PES1: variants seen among roughly 807,000 people sequenced by gnomAD.
PES1 encodes pescadillo ribosomal biogenesis factor 1, also known as pescadillo homolog.
A neutral mutation model predicts 77.1 loss-of-function variants in PES1; 31 were observed. The observed-to-expected ratio is 0.40, with a 90% confidence interval of 0.30 to 0.54. The LOEUF (loss-of-function observed/expected upper bound fraction) is 0.54, where lower values mean the gene tolerates loss of function less well. Among genes scored for constraint, PES1 ranks in the 20% least tolerant of loss-of-function variants. The pLI is 0.45. For missense variants in PES1, 658 were observed against 771.7 expected, an observed-to-expected ratio of 0.85 and a Z score of 1.75; for synonymous variants, 282 against 303.0, an observed-to-expected ratio of 0.93 and a Z score of 0.72.
intron 6 of PES1, 51 bp downstream of exon 6, chr22:30,584,314 A>T: frequency 1.5e-6 from 2 of 1,357,870 alleles, no homozygotes; most frequent in Non-Finnish European, 2.1e-6. Context: ...CCACATCCAT[A>T]TCTGTCTAGG....
intron 14 of PES1, among the ~76,000 whole-genome samples, chr22:30,578,548 T>C (rs2086934770): frequency 1.3e-5 from 2 of 152,214 alleles, no homozygotes; most frequent in African/African-American, 4.8e-5. Flanking sequence ...CCCCAGTCCT[T>C]GAGTCTGCCG....
rs764322944 is a variant in PES1, at chr22:30,589,283, A to T, written c.25-13T>A. 6.2e-7 allele frequency: 1 copy of T among 1,607,496 alleles called. No individual in the cohort carries two copies. Among genetic ancestry groups the T allele is most frequent in the South Asian group, 1.1e-5 (1 of 90,506 alleles). On this transcript the variant is annotated splice_polypyrimidine_tract_variant and intron_variant, in intron 1 of 14. Transcript: ENST00000354694. Reference sequence around the variant, plus strand: ...AGCCTCGTTCATACTGGGAGAGGAAAAAAACAATTCTCCATTAGCAATGAT... The same window carrying T: ...AGCCTCGTTCATACTGGGAGAGGAATAAAACAATTCTCCATTAGCAATGAT...
chr22:30,589,759 C>T (rs543478821), intron 1 of PES1, among the ~76,000 whole-genome samples: 1 of 151,074 alleles, frequency 6.6e-6, no homozygotes, highest in South Asian at 2.1e-4. Context: ...TGCCTAATAG[C>T]TAAGCCAGTG....
In PES1 at chr22:30,579,884, A is replaced by G. The variant is rs2086956574; in HGVS notation, c.1221T>C (p.Leu407=). 6 of 1,614,086 alleles carry G rather than the reference A, an allele frequency of 3.7e-6. No individual in the cohort carries two copies. Among genetic ancestry groups the G allele is most frequent in the Non-Finnish European group, 5.1e-6 (6 of 1,180,016 alleles). The change falls in exon 12 of 15, where the codon CTT becomes CTC. Residue 407 remains leucine (L), a synonymous_variant. Transcript: ENST00000354694. ...WVFDSVNARL[L]LPVAEYFSGV... Reference sequence around the variant, plus strand: ...CAGAGAAGTACTCTGCCACGGGGAGAAGGAGCCTGGCGTTCACTGAGTCAA... The same window carrying G: ...CAGAGAAGTACTCTGCCACGGGGAGGAGGAGCCTGGCGTTCACTGAGTCAA...
intron 1 of PES1, among the ~76,000 whole-genome samples, chr22:30,591,296 C>A (rs1287216257): frequency 6.6e-6 from 1 of 152,198 alleles, no homozygotes; most frequent in Non-Finnish European, 1.5e-5. Flanking sequence ...CAACTCCTTA[C>A]ACACAGCAAG....
intron 8 of PES1, 40 bp downstream of exon 8, chr22:30,581,294 C>A (rs1289678553): frequency 6.2e-7 from 1 of 1,600,140 alleles, no homozygotes; most frequent in Admixed American, 1.7e-5. Flanking sequence ...AGAGACCACT[C>A]CCTTGGGAGA....
intron 6 of PES1, among the ~76,000 whole-genome samples, chr22:30,582,907 T>A (rs765414860): frequency 1.3e-5 from 2 of 152,110 alleles, no homozygotes; most frequent in African/African-American, 2.4e-5. Flanking sequence ...CCCTGGCTGC[T>A]CACAGGAGGG....
intron 4 of PES1, chr22:30,585,190 G>A (rs777197213): frequency 2.7e-4 from 124 of 452,706 alleles, no homozygotes; most frequent in East Asian, 1.7e-3. Flanking sequence ...CCTGGCCACC[G>A]GTCGCCAGCG....
chr22:30,578,705 A>G (rs1170232561), intron 14 of PES1, 132 bp downstream of exon 14: 10 of 1,070,766 alleles, frequency 9.3e-6, no homozygotes, highest in Non-Finnish European at 1.4e-5. Context: ...GGGCTGGGCC[A>G]GGCAGGCAAC....
intron 2 of PES1, among the ~76,000 whole-genome samples, chr22:30,597,805 G>C (rs1399344246): frequency 6.6e-6 from 1 of 151,102 alleles, no homozygotes; most frequent in Non-Finnish European, 1.5e-5. Context: ...GGTGGGGCCA[G>C]ATAAGAGAAT....
Position 30,584,574 on chromosome 22 carries a change from T to A in PES1, c.512A>T (p.Tyr171Phe). The A allele has an allele frequency of 1.2e-6, 2 of 1,612,536 alleles. No individual in the cohort carries two copies. Among genetic ancestry groups the A allele is most frequent in the Non-Finnish European group, 1.7e-6 (2 of 1,179,328 alleles). The stretch of plus-strand genomic sequence containing the variant: ...GCGCAGGGCACGGGCAGCGATAATG[T>A]AGTGCATGAACTCCACAGTGAGCCG... ...CRRLTVEFMH[Y>F]IIAARALRKV... The change falls in exon 5 of 15, where the codon TAC (tyrosine) becomes TTC (phenylalanine). Residue 171 changes from tyrosine to phenylalanine, a missense_variant. Physicochemically the swap from Tyr to Phe is conservative, Grantham distance 22. Transcript: ENST00000354694.
At chr22:30,591,733 C>T in intron 1 of PES1, 77 bp downstream of exon 1, 1 of 1,490,592 alleles carries the variant, frequency 6.7e-7, no homozygotes. Context: ...AGACGGAGCC[C>T]GGGAAAAGAG....
chr22:30,594,908 C>G (rs1306833573), upstream of PES1, among the ~76,000 whole-genome samples: 2 of 152,110 alleles, frequency 1.3e-5, no homozygotes, highest in Admixed American at 1.3e-4. Flanking sequence ...AAAAGGATCG[C>G]TTGGGCTCAG....
intron 10 of PES1, 148 bp downstream of exon 10, chr22:30,580,423 C>T: frequency 8.6e-7 from 1 of 1,160,636 alleles, no homozygotes; most frequent in South Asian, 1.4e-5. Flanking sequence ...TTCCTATGTG[C>T]TCAGTGCGGT....
chr22:30,597,911 T>C (rs1428675791), intron 2 of PES1, among the ~76,000 whole-genome samples: 1 of 131,688 alleles, frequency 7.6e-6, no homozygotes, highest in Non-Finnish European at 1.6e-5. Context: ...TGAGTCGGAG[T>C]CTCACTCTGT....
upstream of PES1, among the ~76,000 whole-genome samples, chr22:30,595,545 A>C (rs913882760): frequency 8.1e-5 from 12 of 148,728 alleles, no homozygotes; most frequent in African/African-American, 3.1e-4. Context: ...TCTCAAAAAA[A>C]AAAAAAAAAA....
chr22:30,580,447 C>T, intron 10 of PES1, 124 bp downstream of exon 10: 4 of 1,357,602 alleles, frequency 2.9e-6, no homozygotes, highest in Non-Finnish European at 3.1e-6. Context: ...GAGCACTTTC[C>T]ACACACTGTT....
chr22:30,581,256 G>T, intron 8 of PES1, 78 bp downstream of exon 8: 1 of 1,519,026 alleles, frequency 6.6e-7, no homozygotes, highest in Non-Finnish European at 9.1e-7. Context: ...CCCCCACTCT[G>T]AACCAGACCC....
chr22:30,583,954 G>A (rs2087025874), intron 6 of PES1, among the ~76,000 whole-genome samples: 1 of 152,242 alleles, frequency 6.6e-6, no homozygotes, highest in South Asian at 2.1e-4. Flanking sequence ...CAGGGACGAG[G>A]AGCCCAGTAG....
Sources: gnomAD v4.1 joint callset for allele counts (sites outside exome capture counted in the v4.1 genomes callset) on GRCh38, gnomAD v4.1.1 for gene constraint, MANE v1.5 for transcripts, NCBI Gene and HGNC (gene_info 2026-07-23, HGNC 2026-07-21) for gene names.